Variants in WWC2 observed in about 807,000 individuals in gnomAD.
WWC2 encodes protein WWC2.
A neutral mutation model predicts 138.5 loss-of-function variants in WWC2; 101 were observed. The observed-to-expected ratio is 0.73, with a 90% confidence interval of 0.62 to 0.86. The LOEUF (loss-of-function observed/expected upper bound fraction) is 0.86. Among genes scored for constraint, WWC2 ranks in the 40% least tolerant of loss-of-function variants. WWC2 has a pLI of 0.00. For missense variants in WWC2, 1,420 were observed against 1,419.4 expected (o/e 1.00, Z -0.01); for synonymous variants, 558 against 538.4 (o/e 1.04, Z -0.50).
intron 1 of WWC2, among the ~76,000 whole-genome samples, chr4:183,141,946 G>C (rs1477740712): frequency 6.6e-6 from 1 of 152,204 alleles, no homozygotes; most frequent in Non-Finnish European, 1.5e-5. Flanking sequence ...ATAGACTATA[G>C]CAGGGGACAT....
At position 183,320,144 on chromosome 4, in the gene WWC2, A is replaced by G. The variant is rs1739596279; in HGVS notation, c.*4415A>G. On this transcript the variant is annotated 3_prime_UTR_variant, in exon 23 of 23. Transcript: ENST00000403733. ...TCCAGTGTGGCAGGTAGTTTGTAAG[A>G]CAGGATAAAACCCATCCCAGCAAAG... 1.1e-5 allele frequency: 17 copies of G among 1,614,158 alleles called. No individual in the cohort carries two copies. Among genetic ancestry groups the G allele is most frequent in the Non-Finnish European group, 1.2e-5 (14 of 1,180,032 alleles).
In WWC2 at chr4:183,280,843, A is replaced by G. The variant is rs1312804519; in HGVS notation, c.2630A>G (p.Gln877Arg). 1 of 1,542,598 alleles carries G rather than the reference A, an allele frequency of 6.5e-7. No individual in the cohort carries two copies. Among genetic ancestry groups the G allele is most frequent in the African/African-American group, 1.4e-5 (1 of 73,020 alleles). Residue 877 changes from glutamine (Q) to arginine (R), a missense_variant, in exon 17 of 23, where the codon CAA becomes CGA. Physicochemically the swap from Gln to Arg is conservative, Grantham distance 43. Transcript: ENST00000403733. ...TTAGCTGTGGAACAAGAATTAGCAC[A>G]AGAAGAAGAAGAAGAATCAGGACAA... ...ELLAVEQELA[Q>R]EEEEESGQEE...
chr4:183,220,695 G>A (rs550777743), intron 4 of WWC2, among the ~76,000 whole-genome samples: 9 of 152,122 alleles, frequency 5.9e-5, no homozygotes, highest in South Asian at 4.2e-4. Context: ...GTAGCCGGGC[G>A]TGGTGGCGGG....
At chr4:183,155,710 C>CT (rs1284312026) in intron 1 of WWC2, among the ~76,000 whole-genome samples, 2 of 152,168 alleles carry the variant, frequency 1.3e-5, no homozygotes, top group Non-Finnish European at 2.9e-5. Flanking sequence ...ATAAGATGTA[C>CT]TTTAAGAAAA....
At chr4:183,282,265 C>G (rs1738100195) in intron 17 of WWC2, among the ~76,000 whole-genome samples, 1 of 152,218 alleles carries the variant, frequency 6.6e-6, no homozygotes, top group Non-Finnish European at 1.5e-5. Context: ...ACGTAGGATT[C>G]TCCCTGCTCG....
chr4:183,101,863 T>A (rs1743191486), intron 1 of WWC2, among the ~76,000 whole-genome samples: 1 of 152,228 alleles, frequency 6.6e-6, no homozygotes, highest in East Asian at 1.9e-4. Flanking sequence ...AGCCATTTAA[T>A]TAGAATGGTC....
chr4:183,108,999 A>T (rs975149858), intron 1 of WWC2, among the ~76,000 whole-genome samples: 15 of 152,220 alleles, frequency 9.9e-5, no homozygotes, highest in Admixed American at 9.2e-4. Context: ...TTCCACACTA[A>T]TTTTGTGGTT....
intron 21 of WWC2, among the ~76,000 whole-genome samples, chr4:183,293,672 A>G (rs1425422215): frequency 6.6e-6 from 1 of 152,230 alleles, no homozygotes; most frequent in Non-Finnish European, 1.5e-5. Flanking sequence ...GCCATTATCT[A>G]CAGGTGACAT....
chr4:183,231,702 T>C (rs1168684344), intron 4 of WWC2, among the ~76,000 whole-genome samples: 2 of 152,102 alleles, frequency 1.3e-5, no homozygotes, highest in Non-Finnish European at 2.9e-5. Context: ...ACTGTTTTGG[T>C]TTTTTGTTTA....
intron 1 of WWC2, among the ~76,000 whole-genome samples, chr4:183,143,841 A>G (rs1478694903): frequency 6.6e-6 from 1 of 152,048 alleles, no homozygotes; most frequent in African/African-American, 2.4e-5. Context: ...ATACACACAA[A>G]CATTTTAAGG....
At chr4:183,285,735 G>A (rs1003378049) in intron 19 of WWC2, among the ~76,000 whole-genome samples, 4 of 152,044 alleles carry the variant, frequency 2.6e-5, no homozygotes, top group Non-Finnish European at 5.9e-5. Flanking sequence ...ACTCCAGCCT[G>A]GGTGACAGAG....
chr4:183,286,762 G>A (rs1415447069), intron 20 of WWC2, among the ~76,000 whole-genome samples: 6 of 152,066 alleles, frequency 3.9e-5, no homozygotes, highest in East Asian at 3.9e-4. Flanking sequence ...TGTTGACGGC[G>A]AACTCACACC....
At chr4:183,215,325 C>T (rs148756595) in intron 4 of WWC2, among the ~76,000 whole-genome samples, 162 of 152,090 alleles carry the variant, frequency 1.1e-3, no homozygotes, top group African/African-American at 3.9e-3. Flanking sequence ...ACCTAAACTG[C>T]AGAAAATGAA....
chr4:183,144,500 G>C (rs960999880), intron 1 of WWC2, among the ~76,000 whole-genome samples: 3 of 152,052 alleles, frequency 2.0e-5, no homozygotes, highest in African/African-American at 4.8e-5. Context: ...TAAGAGATTA[G>C]TACTAAAATG....
chr4:183,106,965 T>TA (rs1743381379), intron 1 of WWC2, among the ~76,000 whole-genome samples: 1 of 152,170 alleles, frequency 6.6e-6, no homozygotes, highest in South Asian at 2.1e-4. Context: ...TGCTGGGTCA[T>TA]ATGGCAGTTC....
intron 21 of WWC2, among the ~76,000 whole-genome samples, chr4:183,293,861 C>T (rs1738543601): frequency 1.3e-5 from 2 of 151,830 alleles, no homozygotes; most frequent in African/African-American, 4.8e-5. Context: ...ATAAATTTAA[C>T]AAAAATAAAC....
intron 21 of WWC2, among the ~76,000 whole-genome samples, chr4:183,290,934 T>G (rs1404349057): frequency 6.6e-6 from 1 of 152,170 alleles, no homozygotes; most frequent in East Asian, 1.9e-4. Flanking sequence ...ACTCAGAAAC[T>G]AAATGAATGA....
At chr4:183,147,587 T>G (rs112864116) in intron 1 of WWC2, among the ~76,000 whole-genome samples, 2 of 152,240 alleles carry the variant, frequency 1.3e-5, no homozygotes, top group Admixed American at 6.5e-5. Context: ...GTAAAACCCC[T>G]TCAGCTTTTT....
At chr4:183,297,294 T>C (rs1045963425) in intron 21 of WWC2, among the ~76,000 whole-genome samples, 1 of 151,818 alleles carries the variant, frequency 6.6e-6, no homozygotes, top group African/African-American at 2.4e-5. Flanking sequence ...TGATCTTTAT[T>C]ATCTGATGAA....
Sources: allele counts gnomAD v4.1 joint callset (sites outside exome capture counted in the v4.1 genomes callset), GRCh38; gene constraint gnomAD v4.1.1; transcripts MANE v1.5; gene names NCBI Gene and HGNC (gene_info 2026-07-23, HGNC 2026-07-21).